Variants in SCFD2 observed in about 807,000 individuals in gnomAD.
SCFD2 encodes the protein sec1 family domain-containing protein 2.
In SCFD2, 54 loss-of-function variants were observed where a neutral mutation model predicts 58.9. That is an observed-to-expected ratio of 0.92 (90% CI 0.74 to 1.15). The LOEUF is 1.15. Ranked by LOEUF, SCFD2 falls within the 50% of genes most tolerant of loss-of-function variation. The probability of loss-of-function intolerance (pLI) is 0.00; values close to 1 mark genes in which losing one functional copy is unlikely to be tolerated. For synonymous variants in SCFD2, 321 were observed against 335.9 expected (o/e 0.96, Z 0.49); for missense variants, 805 against 836.6 (o/e 0.96, Z 0.47).
intron 4 of SCFD2, among the ~76,000 whole-genome samples, chr4:53,178,158 G>T (rs1390591275): frequency 6.6e-6 from 1 of 152,190 alleles, no homozygotes. Flanking sequence ...TTTAAAGAGA[G>T]TAGTGGTTCT....
chr4:53,215,595 G>A (rs566777836), intron 4 of SCFD2, among the ~76,000 whole-genome samples: 35 of 152,178 alleles, frequency 2.3e-4, no homozygotes, highest in Non-Finnish European at 4.0e-4. Context: ...CTGCAAACAG[G>A]GACAATTTGA....
intron 4 of SCFD2, among the ~76,000 whole-genome samples, chr4:53,265,193 G>T (rs894593376): frequency 1.4e-4 from 21 of 152,230 alleles, no homozygotes; most frequent in African/African-American, 4.3e-4. Context: ...TTATAGAGGG[G>T]AAATCAGATG....
chr4:53,201,159 T>C (rs190437175), intron 4 of SCFD2, among the ~76,000 whole-genome samples: 209 of 152,116 alleles, frequency 1.4e-3, no homozygotes, highest in African/African-American at 4.7e-3. Context: ...TAGCTCCTAA[T>C]GCTATCCCTC....
intron 8 of SCFD2, among the ~76,000 whole-genome samples, chr4:52,876,397 G>A (rs1358959678): frequency 6.6e-6 from 1 of 152,126 alleles, no homozygotes; most frequent in Middle Eastern, 3.2e-3. Context: ...ACAAGATTTT[G>A]TGTTATAGTT....
intron 5 of SCFD2, among the ~76,000 whole-genome samples, chr4:52,974,463 G>A (rs1305504678): frequency 1.3e-5 from 2 of 152,044 alleles, no homozygotes. Context: ...AACTTACAAG[G>A]GACATGAAGG....
At chr4:53,269,716 C>T (rs149096873) in intron 4 of SCFD2, among the ~76,000 whole-genome samples, 15 of 152,130 alleles carry the variant, frequency 9.9e-5, no homozygotes, top group African/African-American at 3.6e-4. Flanking sequence ...GAAAACCAGA[C>T]CATGGCAGAA....
At chr4:53,003,288 C>T (rs1167791759) in intron 5 of SCFD2, among the ~76,000 whole-genome samples, 1 of 152,202 alleles carries the variant, frequency 6.6e-6, no homozygotes, top group Admixed American at 6.5e-5. Context: ...GATCTCTGTC[C>T]TCATCAGACT....
At chr4:53,048,959 AAATAAAT>A (rs1377102924) in intron 5 of SCFD2, among the ~76,000 whole-genome samples, 3 of 152,012 alleles carry the variant, frequency 2.0e-5, no homozygotes, top group Non-Finnish European at 4.4e-5. Flanking sequence ...ATAAATAAAT[AAATAAAT>A]AATAAAAATA....
chr4:53,322,257 A>G (rs1283539487), intron 2 of SCFD2, among the ~76,000 whole-genome samples: 1 of 152,134 alleles, frequency 6.6e-6, no homozygotes, highest in Non-Finnish European at 1.5e-5. Flanking sequence ...AAAACCCACC[A>G]AAACCAAGAT....
chr4:53,289,389 C>CA (rs982776983), intron 3 of SCFD2, among the ~76,000 whole-genome samples: 17 of 151,660 alleles, frequency 1.1e-4, no homozygotes, highest in African/African-American at 2.9e-4. Context: ...ACAACAACAA[C>CA]AAAAAAAATG....
intron 3 of SCFD2, among the ~76,000 whole-genome samples, chr4:53,306,407 A>G (rs2083474662): frequency 6.6e-6 from 1 of 152,222 alleles, no homozygotes; most frequent in African/African-American, 2.4e-5. Flanking sequence ...AAAGAACCCA[A>G]CAAAGAAGAC....
intron 4 of SCFD2, among the ~76,000 whole-genome samples, chr4:53,178,642 G>A (rs1373836039): frequency 3.3e-5 from 5 of 152,222 alleles, no homozygotes; most frequent in Non-Finnish European, 5.9e-5. Context: ...GAACAAAGCT[G>A]GACGGAGAAT....
chr4:53,338,956 A>AC, intron 2 of SCFD2, among the ~76,000 whole-genome samples: 1 of 152,186 alleles, frequency 6.6e-6, no homozygotes, highest in Non-Finnish European at 1.5e-5. Flanking sequence ...AAAATATCAA[A>AC]ATATTCTCAG....
At chr4:53,009,507 A>G (rs1056893326) in intron 5 of SCFD2, among the ~76,000 whole-genome samples, 55 of 152,196 alleles carry the variant, frequency 3.6e-4, no homozygotes, top group South Asian at 2.1e-4. Flanking sequence ...TTTAGCAAGC[A>G]CCTTGTAGGA....
At chr4:53,055,453 G>A (rs138673886) in intron 5 of SCFD2, among the ~76,000 whole-genome samples, 2 of 152,240 alleles carry the variant, frequency 1.3e-5, no homozygotes, top group Non-Finnish European at 2.9e-5. Flanking sequence ...GGGAAATGAT[G>A]CCTGGGAGTC....
intron 5 of SCFD2, among the ~76,000 whole-genome samples, chr4:52,967,344 C>T (rs17082227): frequency 0.037 from 5,658 of 152,206 alleles, 114 homozygotes; most frequent in Middle Eastern, 0.061. Context: ...CTCTGGGACC[C>T]GAGAACCCCT....
chr4:53,144,278 C>G (rs1411079504), intron 5 of SCFD2, among the ~76,000 whole-genome samples: 1 of 150,464 alleles, frequency 6.6e-6, no homozygotes, highest in Non-Finnish European at 1.5e-5. Flanking sequence ...GAGGCCCCAT[C>G]TCTATTTAAT....
chr4:52,898,697 C>T (rs946458734), intron 7 of SCFD2, among the ~76,000 whole-genome samples: 10 of 152,256 alleles, frequency 6.6e-5, no homozygotes, highest in South Asian at 2.1e-4. Flanking sequence ...AGTTCAATTC[C>T]TGGATATCCT....
chr4:53,235,857 A>G lies in SCFD2; in HGVS notation c.1311+37969T>C, dbSNP rs529800848. On this transcript the variant is annotated intron_variant, in intron 4 of 8. Coordinates refer to ENST00000401642, the MANE Select transcript of SCFD2 (RefSeq NM_152540.4). ...TGTATAAGGACAAAAAGGGAAATCT[A>G]TAACACTAACACTGGAGTAAATACT... Among the ~76,000 whole-genome samples, 69 of 152,358 alleles carry G rather than the reference A, an allele frequency of 4.5e-4. 2 individuals carry two copies. Among genetic ancestry groups the G allele is most frequent in the Admixed American group, 2.1e-3 (32 of 15,300 alleles).
Sources: gnomAD v4.1 joint callset for allele counts (sites outside exome capture counted in the v4.1 genomes callset) on GRCh38, gnomAD v4.1.1 for gene constraint, MANE v1.5 for transcripts, NCBI Gene and HGNC (gene_info 2026-07-23, HGNC 2026-07-21) for gene names.